Variants in XRCC5 observed in about 807,000 individuals in gnomAD.
XRCC5 encodes the protein X-ray repair cross complementing 5, also known as DNA repair protein Ku80.
In XRCC5, 12 loss-of-function variants were observed where a neutral mutation model predicts 95.7. The ratio of observed to expected loss-of-function variants is 0.13; its 90% confidence interval spans 0.08 to 0.20. The LOEUF is 0.20. XRCC5 is among the 10% of genes least tolerant of loss of function. The pLI, the probability that XRCC5 is intolerant of heterozygous loss-of-function variation, is 1.00. For missense variants in XRCC5, 595 were observed against 873.9 expected, an observed-to-expected ratio of 0.68 and a Z score of 4.02; for synonymous variants, 281 against 290.3, an observed-to-expected ratio of 0.97 and a Z score of 0.33.
In XRCC5 at chr2:216,205,215, T is replaced by G. The variant is rs1459893209; in HGVS notation, c.*13T>G. 6.2e-7 allele frequency: 1 copy of G among 1,613,888 alleles called. No homozygotes were observed. The highest frequency in any genetic ancestry group is 2.2e-5 in the East Asian group (1 of 44,894). On this transcript the variant is annotated 3_prime_UTR_variant, in exon 21 of 21. Coordinates refer to ENST00000392132, the MANE Select transcript of XRCC5 (RefSeq NM_021141.4). ...GGACATGATATAGGTCGTGGATGTATGGGGAATCTAAGAGAGCTGCCATCG... is the reference window on the plus strand; with the variant it reads ...GGACATGATATAGGTCGTGGATGTAGGGGGAATCTAAGAGAGCTGCCATCG...
At chr2:216,170,191 CT>C (rs1457303907) in intron 16 of XRCC5, among the ~76,000 whole-genome samples, 1 of 151,452 alleles carries the variant, frequency 6.6e-6, no homozygotes, top group East Asian at 2.0e-4. Context: ...GTTTACATTT[CT>C]CAGTGAGCAC....
At chr2:216,187,652 A>T (rs1054823082) in intron 16 of XRCC5, among the ~76,000 whole-genome samples, 4 of 151,830 alleles carry the variant, frequency 2.6e-5, no homozygotes, top group African/African-American at 9.7e-5. Flanking sequence ...AGGATTCCCT[A>T]CGTTTCTATC....
Position 216,132,345 on chromosome 2 carries a change from G to T in XRCC5, c.1071G>T (p.Met357Ile). Residue 357 changes from methionine to isoleucine, a missense_variant, in exon 10 of 21, where the codon ATG becomes ATT. Physicochemically the swap from Met to Ile is conservative, Grantham distance 10. Around this residue, in one of 2 missense-constraint regions of XRCC5, gnomAD observed 286 missense variants for 491.1 expected, o/e 0.58. Coordinates refer to ENST00000392132, the MANE Select transcript of XRCC5 (RefSeq NM_021141.4). ...KSSQVQRRFF[M>I]GNQVLKVFAA... ...TGTAGGTTCAGAGAAGATTCTTCAT[G>T]GGAAATCAAGTTCTAAAGGTCTTTG... 1 of 1,613,984 alleles carries T rather than the reference G, an allele frequency of 6.2e-7. No individual in the cohort carries two copies. Among genetic ancestry groups the T allele is most frequent in the Non-Finnish European group, 8.5e-7 (1 of 1,179,884 alleles).
intron 12 of XRCC5, among the ~76,000 whole-genome samples, chr2:216,140,277 G>T (rs947797503): frequency 3.3e-5 from 5 of 152,258 alleles, no homozygotes; most frequent in African/African-American, 1.2e-4. Context: ...CAGAATAGAA[G>T]TATAATGTAC....
intron 16 of XRCC5, among the ~76,000 whole-genome samples, chr2:216,188,417 A>G (rs1042222461): frequency 1.3e-5 from 2 of 152,240 alleles, no homozygotes; most frequent in Non-Finnish European, 2.9e-5. Flanking sequence ...TGTCTCCCAC[A>G]GAACATAACA....
chr2:216,179,721 TGA>T (rs1424282397), intron 16 of XRCC5, among the ~76,000 whole-genome samples: 1 of 152,172 alleles, frequency 6.6e-6, no homozygotes, highest in Non-Finnish European at 1.5e-5. Flanking sequence ...AAGTAGGAGC[TGA>T]GAAGTCAGAG....
chr2:216,195,411 CTGTT>C (rs1171444288), intron 19 of XRCC5, among the ~76,000 whole-genome samples: 3 of 123,290 alleles, frequency 2.4e-5, no homozygotes, highest in Non-Finnish European at 3.5e-5. Flanking sequence ...CTCTCTCTCT[CTGTT>C]TCTTTCTTTC....
chr2:216,155,622 C>T (rs373927915), intron 14 of XRCC5, among the ~76,000 whole-genome samples: 1 of 152,058 alleles, frequency 6.6e-6, no homozygotes, highest in South Asian at 2.1e-4. Flanking sequence ...CATGGTAGAT[C>T]CATATCATGG....
In XRCC5 at chr2:216,182,352, T is replaced by C. The variant is rs569704754; in HGVS notation, c.1835-7873T>C. ...TCTTCTACTTACTTCCTATATTAGT[T>C]TGATGACATCTAGTCAGGTATGAAG... is the stretch of plus-strand genomic sequence containing the variant. On this transcript the variant is annotated intron_variant, in intron 16 of 20. Coordinates refer to ENST00000392132, the MANE Select transcript of XRCC5 (RefSeq NM_021141.4). 1.6e-4 allele frequency among the ~76,000 whole-genome samples: 24 copies of C among 152,330 alleles called. No homozygotes were observed. The South Asian group carries it at 4.6e-3, about 29-fold the overall frequency.
In XRCC5 at chr2:216,205,335, G is replaced by A; in HGVS notation, c.*133G>A. On this transcript the variant is annotated 3_prime_UTR_variant, in exon 21 of 21. Transcript: ENST00000392132. ...ATTCCCAGCAGGTTACCTGGAGGCGGATCATCTAATTCTCTGTGGAATGAA... is the reference window on the plus strand; with the variant it reads ...ATTCCCAGCAGGTTACCTGGAGGCGAATCATCTAATTCTCTGTGGAATGAA... 9.9e-7 allele frequency: 1 copy of A among 1,014,854 alleles called. No homozygotes were observed. Among genetic ancestry groups the A allele is most frequent in the Non-Finnish European group, 1.6e-6 (1 of 636,968 alleles). The allele number at this position is 1,014,854 out of a possible 1,614,324, so 62.9% of individuals were successfully genotyped here.
chr2:216,162,051 G>A lies in XRCC5; in HGVS notation c.1834+3G>A. On this transcript the variant is annotated splice_donor_region_variant and intron_variant, in intron 16 of 20. Coordinates refer to ENST00000392132, the MANE Select transcript of XRCC5 (RefSeq NM_021141.4). The stretch of plus-strand genomic sequence containing the variant: ...GAAGAAGGCCAGCTTTGAGGAAGGT[G>A]AGTGGTTGACTTTGCATTTAGGAGA... 1.2e-6 allele frequency: 2 copies of A among 1,613,968 alleles called. No homozygotes were observed. Among genetic ancestry groups the A allele is most frequent in the Non-Finnish European group, 8.5e-7 (1 of 1,179,806 alleles).
chr2:216,192,154 G>A (rs751279158), intron 17 of XRCC5, among the ~76,000 whole-genome samples: 1 of 151,834 alleles, frequency 6.6e-6, no homozygotes, highest in Non-Finnish European at 1.5e-5. Context: ...GCCTGCCACC[G>A]CATCCAGCTA....
At chr2:216,169,771 C>T (rs1451302231) in intron 16 of XRCC5, among the ~76,000 whole-genome samples, 5 of 151,244 alleles carry the variant, frequency 3.3e-5, no homozygotes, top group African/African-American at 4.9e-5. Flanking sequence ...CCTGGCCGGG[C>T]GCAGTGGCTC....
chr2:216,197,448 G>GAAAAA (rs369842827), intron 19 of XRCC5, among the ~76,000 whole-genome samples: 3 of 110,344 alleles, frequency 2.7e-5, no homozygotes, highest in African/African-American at 1.0e-4. Context: ...TCTGTCCCAG[G>GAAAAA]AAAAAAAAAA....
At chr2:216,190,184 C>T (rs1281386568) in intron 16 of XRCC5, 41 bp from the exon 17 acceptor site, 4 of 1,545,108 alleles carry the variant, frequency 2.6e-6, no homozygotes, top group Non-Finnish European at 3.6e-6. Flanking sequence ...CTCTCTCAGG[C>T]ATCACTCAAA....
intron 10 of XRCC5, among the ~76,000 whole-genome samples, chr2:216,135,568 T>G (rs914191801): frequency 4.6e-5 from 7 of 151,960 alleles, no homozygotes; most frequent in Non-Finnish European, 1.0e-4. Context: ...GAGGCCAAGG[T>G]AGGTGGATCA....
chr2:216,150,503 A>G lies in XRCC5; in HGVS notation c.1670+2227A>G, dbSNP rs964591708. On this transcript the variant is annotated intron_variant, in intron 14 of 20. Transcript: ENST00000392132. Reference sequence around the variant, plus strand: ...TACACGAGCCCACATGGTAGAATCTACTACACATCTAGGCTATGTGGTATG... The same window carrying G: ...TACACGAGCCCACATGGTAGAATCTGCTACACATCTAGGCTATGTGGTATG... Among the ~76,000 whole-genome samples the G allele has an allele frequency of 5.9e-5, 9 of 152,328 alleles. No homozygotes were observed. The South Asian group carries it at 1.9e-3, about 32-fold the overall frequency.
chr2:216,190,193 A>G, intron 16 of XRCC5, 32 bp from the exon 17 acceptor site: 1 of 1,597,208 alleles, frequency 6.3e-7, no homozygotes, highest in Non-Finnish European at 8.6e-7. Flanking sequence ...GCATCACTCA[A>G]ATCTAAGAAA....
chr2:216,167,382 G>A (rs1031180043), intron 16 of XRCC5, among the ~76,000 whole-genome samples: 27 of 152,084 alleles, frequency 1.8e-4, no homozygotes, highest in African/African-American at 5.5e-4. Context: ...GGTACAATTA[G>A]TAATAATATG....
Sources: gnomAD v4.1 joint callset for allele counts (sites outside exome capture counted in the v4.1 genomes callset) on GRCh38, gnomAD v4.1.1 for gene constraint, gnomAD v4.1.1 regional missense constraint, MANE v1.5 for transcripts, NCBI Gene and HGNC (gene_info 2026-07-23, HGNC 2026-07-21) for gene names.